Variants in VWA2 observed in about 807,000 individuals in gnomAD.
VWA2 encodes von Willebrand factor A domain-containing protein 2.
Under a neutral mutation model 70.4 loss-of-function variants are expected in VWA2, and 73 were observed. The observed-to-expected ratio is 1.04, with a 90% CI of 0.86 to 1.26. The LOEUF (loss-of-function observed/expected upper bound fraction) is 1.26. Among genes scored for constraint, VWA2 ranks in the 50% most tolerant of loss-of-function variants. The pLI is 0.00. For missense variants in VWA2, 1,011 were observed against 998.5 expected, an observed-to-expected ratio of 1.01 and a Z score of -0.17; for synonymous variants, 407 against 423.3, an observed-to-expected ratio of 0.96 and a Z score of 0.47.
At chr10:114,290,520 C>G (rs2039475425) in intron 13 of VWA2, among the ~76,000 whole-genome samples, 155 bp downstream of exon 13, 1 of 152,222 alleles carries the variant, frequency 6.6e-6, no homozygotes, top group African/African-American at 2.4e-5. Flanking sequence ...TGAGTACCTC[C>G]TGCATCCCAG....
chr10:114,268,185 A>G (rs1219318025), intron 5 of VWA2, among the ~76,000 whole-genome samples: 2 of 151,904 alleles, frequency 1.3e-5, no homozygotes, highest in Admixed American at 6.6e-5. Flanking sequence ...TCTGGAACTC[A>G]TGTTCTTAAT....
chr10:114,261,269 G>A lies in VWA2; in HGVS notation c.345G>A (p.Lys115=), dbSNP rs149921026. 176 of 1,614,150 alleles carry A rather than the reference G, an allele frequency of 1.1e-4. No homozygotes were observed. Among genetic ancestry groups the A allele is most frequent in the Non-Finnish European group, 8.4e-5 (99 of 1,179,996 alleles). ...LDSFSTQQEV[K]ARIKRMVFKG... ...CATTTTCAACCCAACAGGAAGTGAA[G>A]GCAAGAATCAAGAGGATGGTTTTCA... Residue 115 remains lysine (K), a synonymous_variant, in exon 5 of 14, where the codon AAG becomes AAA. Coordinates refer to ENST00000392982, the MANE Select transcript of VWA2 (RefSeq NM_001272046.2).
intron 4 of VWA2, among the ~76,000 whole-genome samples, chr10:114,260,011 C>T (rs924453445): frequency 2.0e-5 from 3 of 152,168 alleles, no homozygotes; most frequent in Non-Finnish European, 4.4e-5. Flanking sequence ...GTCGAGGGAA[C>T]GGCAGCGAGG....
chr10:114,255,541 GA>G (rs1277670715), intron 4 of VWA2, among the ~76,000 whole-genome samples: 1 of 152,178 alleles, frequency 6.6e-6, no homozygotes, highest in East Asian at 1.9e-4. Context: ...TCTGGAAAGA[GA>G]GGTTGGGTTG....
At chr10:114,290,215 G>T in intron 12 of VWA2, 25 bp from the exon 13 acceptor site, 1 of 1,549,958 alleles carries the variant, frequency 6.5e-7, no homozygotes. Flanking sequence ...GGCCGGCCTG[G>T]TGGGTATGGT....
intron 5 of VWA2, among the ~76,000 whole-genome samples, chr10:114,264,491 C>G (rs531960719): frequency 6.6e-6 from 1 of 151,812 alleles, no homozygotes; most frequent in East Asian, 1.9e-4. Flanking sequence ...TATCTCGGCT[C>G]AATGCAAGCT....
chr10:114,271,186 C>T (rs2037699978), intron 5 of VWA2, among the ~76,000 whole-genome samples: 1 of 152,038 alleles, frequency 6.6e-6, no homozygotes, highest in African/African-American at 2.4e-5. Context: ...CACTATCTTC[C>T]CTCTAGTGGA....
Position 114,282,568 on chromosome 10 carries a change from C to T in VWA2, c.886C>T (p.Pro296Ser). 6.2e-7 allele frequency: 1 copy of T among 1,613,840 alleles called. No homozygotes were observed. Among genetic ancestry groups the T allele is most frequent in the Non-Finnish European group, 8.5e-7 (1 of 1,179,758 alleles). Residue 296 changes from proline (P) to serine (S), a missense_variant, in exon 9 of 14, where the codon CCA becomes TCA. Transcript: ENST00000392982. ...TGCCACCTGCTACAGGACCACCTGC[C>T]CAGGTATGGTCTGTCTCTTGGATTT... ...HPATCYRTTC[P>S]GPCDSQPCQN...
chr10:114,257,385 C>G (rs2037353477), intron 4 of VWA2, among the ~76,000 whole-genome samples: 1 of 152,228 alleles, frequency 6.6e-6, no homozygotes, highest in African/African-American at 2.4e-5. Context: ...AGATTAAACA[C>G]TGTTGACCTT....
At chr10:114,247,573 A>G (rs192272888) in intron 1 of VWA2, among the ~76,000 whole-genome samples, 2 of 152,262 alleles carry the variant, frequency 1.3e-5, no homozygotes, top group Non-Finnish European at 2.9e-5. Flanking sequence ...TGCTGGGATT[A>G]CAGACAAGAG....
In VWA2 at chr10:114,290,308, A is replaced by C; in HGVS notation, c.2191A>C (p.Asn731His). The C allele has an allele frequency of 1.9e-6, 3 of 1,550,564 alleles. No homozygotes were observed. Among genetic ancestry groups the C allele is most frequent in the Non-Finnish European group, 2.6e-6 (3 of 1,146,982 alleles). Reference protein sequence around the residue: ...CMNEGSCVLQNGSYRCKCRDG... With the variant: ...CMNEGSCVLQHGSYRCKCRDG... Reference sequence around the variant, plus strand: ...GAATGAGGGCAGCTGCGTCCTGCAGAATGGGAGCTACCGCTGCAAGTGTCG... The same window carrying C: ...GAATGAGGGCAGCTGCGTCCTGCAGCATGGGAGCTACCGCTGCAAGTGTCG... The change falls in exon 13 of 14, where the codon AAT (asparagine) becomes CAT (histidine). Residue 731 changes from asparagine (N) to histidine (H), a missense_variant. Coordinates refer to ENST00000392982, the MANE Select transcript of VWA2 (RefSeq NM_001272046.2).
rs1206431420 is a variant in VWA2 at position 114,288,226 on chromosome 10, C to T, written c.1571-712C>T. 2.0e-5 allele frequency among the ~76,000 whole-genome samples: 3 copies of T among 152,198 alleles called. No individual in the cohort carries two copies. The South Asian group carries it at 6.2e-4, about 31-fold the overall frequency. Reference sequence around the variant, plus strand: ...GTGAAATGTCACCTCCCCAGAGAAGCTCTGACCCCTTCTCCCAGTCTTGTT... The same window carrying T: ...GTGAAATGTCACCTCCCCAGAGAAGTTCTGACCCCTTCTCCCAGTCTTGTT... On this transcript the variant is annotated intron_variant, in intron 11 of 13. Coordinates refer to ENST00000392982, the MANE Select transcript of VWA2 (RefSeq NM_001272046.2).
intron 5 of VWA2, among the ~76,000 whole-genome samples, chr10:114,266,726 C>T (rs1004938485): frequency 6.6e-6 from 1 of 152,164 alleles, no homozygotes; most frequent in Non-Finnish European, 1.5e-5. Context: ...TCATTAATCT[C>T]ATAGTAACAC....
chr10:114,265,710 C>G (rs1295768516), intron 5 of VWA2, among the ~76,000 whole-genome samples: 1 of 152,304 alleles, frequency 6.6e-6, no homozygotes, highest in African/African-American at 2.4e-5. Context: ...AATGGAGAGA[C>G]ACACTAAGAT....
At chr10:114,287,450 G>GGATT (rs2039042877) in intron 11 of VWA2, among the ~76,000 whole-genome samples, 1 of 152,154 alleles carries the variant, frequency 6.6e-6, no homozygotes, top group Non-Finnish European at 1.5e-5. Context: ...CAAAGTGGAG[G>GGATT]GATTACAGGC....
At position 114,291,592 on chromosome 10, in the gene VWA2, T is replaced by G. The variant is rs2039603670; in HGVS notation, c.*355T>G. 4 of 239,282 alleles carry G rather than the reference T, an allele frequency of 1.7e-5. No individual in the cohort carries two copies. The highest frequency in any genetic ancestry group is 1.5e-4 in the Admixed American group (3 of 19,914). The allele number at this position is 239,282 out of a possible 1,614,324, so 14.8% of individuals were successfully genotyped here. On this transcript the variant is annotated 3_prime_UTR_variant, in exon 14 of 14. Transcript: ENST00000392982. ...ACAAGGGGTCCTGAAGACTTAAATT[T>G]AGCGGCCTGACGTTCCTTTGCACAC... is the stretch of plus-strand genomic sequence containing the variant.
In VWA2 at chr10:114,289,011, T is replaced by C; in HGVS notation, c.1644T>C (p.Ala548=). 2.5e-6 allele frequency: 4 copies of C among 1,614,176 alleles called. No homozygotes were observed. Among genetic ancestry groups the C allele is most frequent in the Non-Finnish European group, 3.4e-6 (4 of 1,180,042 alleles). ...CCTCAGTAGGGCCCGAGAATTTTGC[T>C]CAGATGCAGAGCTTTGTGAGAAGCT... ...TSASVGPENF[A]QMQSFVRSCA... The change falls in exon 12 of 14, where the codon GCT becomes GCC. Residue 548 remains alanine, a synonymous_variant. Transcript: ENST00000392982.
Position 114,286,159 on chromosome 10 carries a change from G to A in VWA2, c.1218G>A (p.Leu406=). 6.2e-7 allele frequency: 1 copy of A among 1,614,120 alleles called. No individual in the cohort carries two copies. The highest frequency in any genetic ancestry group is 8.5e-7 in the Non-Finnish European group (1 of 1,180,032). ...GGGAGTACCAGGATGTGCCTGACCT[G>A]GTCTGGAGCCTCGATGGCATTCCCT... ...PVGEYQDVPD[L]VWSLDGIPFR... is the part of the protein sequence containing the mutation. Residue 406 remains leucine (L), a synonymous_variant, in exon 11 of 14, where the codon CTG becomes CTA. Coordinates refer to ENST00000392982, the MANE Select transcript of VWA2 (RefSeq NM_001272046.2).
intron 7 of VWA2, 141 bp from the exon 8 acceptor site, chr10:114,278,578 A>T: frequency 8.2e-7 from 1 of 1,224,762 alleles, no homozygotes; most frequent in Non-Finnish European, 1.1e-6. Context: ...ATATGCCCTG[A>T]CCTGAGAGAG....
Sources: allele counts gnomAD v4.1 joint callset (sites outside exome capture counted in the v4.1 genomes callset), GRCh38; gene constraint gnomAD v4.1.1; transcripts MANE v1.5; gene names NCBI Gene and HGNC (gene_info 2026-07-23, HGNC 2026-07-21).